The following KAZN variants were observed in gnomAD, a reference collection of about 807,000 sequenced individuals.
The protein encoded by KAZN is kazrin.
A neutral mutation model predicts 87.4 loss-of-function variants in KAZN; 40 were observed. That is an observed-to-expected ratio of 0.46 (90% confidence interval 0.36 to 0.60). The LOEUF is 0.60. Among genes scored for constraint, KAZN ranks in the 20% least tolerant of loss-of-function variants. The pLI, the probability that KAZN is intolerant of heterozygous loss-of-function variation, is 0.00. For synonymous variants in KAZN, 466 were observed against 458.3 expected, an observed-to-expected ratio of 1.02 and a Z score of -0.22; for missense variants, 898 against 1,073.9, an observed-to-expected ratio of 0.84 and a Z score of 2.29.
chr1:15,013,251 AT>A (rs1321157577), intron 2 of KAZN, among the ~76,000 whole-genome samples: 1 of 152,170 alleles, frequency 6.6e-6, no homozygotes, highest in Admixed American at 6.5e-5. Context: ...CCAGACCCTC[AT>A]TTTAGCACTG....
At chr1:14,151,910 GA>G (rs530064606) in intron 1 of KAZN, among the ~76,000 whole-genome samples, 2 of 151,252 alleles carry the variant, frequency 1.3e-5, no homozygotes, top group African/African-American at 4.9e-5. Context: ...TTGTGGAAAG[GA>G]AAAAAAATGG....
At chr1:14,677,545 C>A (rs996810723) in intron 1 of KAZN, among the ~76,000 whole-genome samples, 1 of 152,038 alleles carries the variant, frequency 6.6e-6, no homozygotes, top group Non-Finnish European at 1.5e-5. Context: ...CTCTAAGACA[C>A]CCCAGGGGCC....
At chr1:14,355,819 C>G (rs1003456051) in intron 2 of KAZN, among the ~76,000 whole-genome samples, 1 of 152,150 alleles carries the variant, frequency 6.6e-6, no homozygotes, top group Non-Finnish European at 1.5e-5. Context: ...TTTTCTTTAT[C>G]CAGTCTATCA....
At chr1:14,180,636 CT>C (rs766957052) in intron 2 of KAZN, 18 of 1,502,104 alleles carry the variant, frequency 1.2e-5, no homozygotes, top group South Asian at 6.5e-5. Context: ...AAGGTGGAAT[CT>C]TTTTTTCTTT....
chr1:14,342,930 C>T (rs1236403861), intron 2 of KAZN, among the ~76,000 whole-genome samples: 1 of 152,150 alleles, frequency 6.6e-6, no homozygotes, highest in Non-Finnish European at 1.5e-5. Context: ...CACCTGAGGT[C>T]AGGAGTTTGA....
intron 1 of KAZN, among the ~76,000 whole-genome samples, chr1:14,859,202 C>A (rs1468305250): frequency 6.7e-6 from 1 of 150,270 alleles, no homozygotes; most frequent in Non-Finnish European, 1.5e-5. Flanking sequence ...CAGAGCGAGA[C>A]CCCGTCTCAA....
rs559234306 is a variant in KAZN at position 14,092,529 on chromosome 1, G to A, written c.92-87906G>A. On this transcript the variant is annotated intron_variant, in intron 1 of 16. Coordinates refer to the KAZN transcript ENST00000636203. ...TGTACCACTGCATGTATGTGTGTAG[G>A]GGTATGTATGTACATATATGTACAT... is the stretch of plus-strand genomic sequence containing the variant. Among the ~76,000 whole-genome samples, 319 of 146,812 alleles carry A rather than the reference G, an allele frequency of 2.2e-3. 1 individual carries two copies. The highest frequency in any genetic ancestry group is 7.6e-3 in the African/African-American group (296 of 39,194).
intron 1 of KAZN, among the ~76,000 whole-genome samples, chr1:14,835,990 T>C (rs2100905642): frequency 6.6e-6 from 1 of 152,288 alleles, no homozygotes; most frequent in East Asian, 1.9e-4. Flanking sequence ...GGGTTGGAGA[T>C]AGAAGAATGG....
In KAZN at chr1:14,947,781, G is replaced by A. The variant is rs75259017; in HGVS notation, c.227-12903G>A. On this transcript the variant is annotated intron_variant, in intron 1 of 14. Transcript: ENST00000376030. ...AGAATCTGATGGGCTGAGGCTCAGT[G>A]CCAGGCACATAGTGAACACCCAAAT... Among the ~76,000 whole-genome samples the A allele has an allele frequency of 4.4e-3, 676 of 152,356 alleles. 2 individuals carry two copies. Among genetic ancestry groups the A allele is most frequent in the African/African-American group, 0.015 (634 of 41,586 alleles).
intron 1 of KAZN, among the ~76,000 whole-genome samples, chr1:14,024,930 G>T (rs1192561808): frequency 6.6e-6 from 1 of 152,206 alleles, no homozygotes; most frequent in Non-Finnish European, 1.5e-5. Flanking sequence ...GGAAGGCCAA[G>T]AATCCAAAGA....
chr1:14,197,257 T>A (rs987725850), intron 2 of KAZN, among the ~76,000 whole-genome samples: 1 of 151,826 alleles, frequency 6.6e-6, no homozygotes, highest in African/African-American at 2.4e-5. Context: ...TTGTTGAGAA[T>A]GAGAGAAAGA....
chr1:14,597,481 A>T (rs1245422533), upstream of KAZN, among the ~76,000 whole-genome samples: 2 of 152,180 alleles, frequency 1.3e-5, no homozygotes, highest in Non-Finnish European at 2.9e-5. Context: ...CCTTAAGTAA[A>T]TTGCTTAACC....
intron 1 of KAZN, among the ~76,000 whole-genome samples, chr1:13,950,731 C>T (rs948614660): frequency 6.6e-6 from 1 of 152,138 alleles, no homozygotes; most frequent in Non-Finnish European, 1.5e-5. Context: ...ACGAATACCC[C>T]AACCTCATCA....
intron 1 of KAZN, among the ~76,000 whole-genome samples, chr1:14,158,080 T>C (rs1645634494): frequency 6.6e-6 from 1 of 152,082 alleles, no homozygotes; most frequent in Admixed American, 6.5e-5. Context: ...TATCAGGTAA[T>C]CTTCTTCAGG....
At chr1:14,438,575 G>A (rs192071340) in intron 2 of KAZN, among the ~76,000 whole-genome samples, 178 of 152,314 alleles carry the variant, frequency 1.2e-3, no homozygotes, top group African/African-American at 4.2e-3. Flanking sequence ...GTGGGAAATG[G>A]GAAATGGCAA....
chr1:14,562,139 A>T (rs72862101), intron 2 of KAZN, among the ~76,000 whole-genome samples: 6,967 of 152,204 alleles, frequency 0.046, 519 homozygotes, highest in African/African-American at 0.16. Context: ...CACGACTGCC[A>T]TTCTGTTTGG....
chr1:14,365,256 C>T (rs1212177125), intron 2 of KAZN, among the ~76,000 whole-genome samples: 5 of 151,892 alleles, frequency 3.3e-5, no homozygotes, highest in African/African-American at 1.2e-4. Context: ...ACCATGTTAG[C>T]CAGGATGGTC....
chr1:14,702,060 A>G (rs1365465251), intron 1 of KAZN, among the ~76,000 whole-genome samples: 2 of 152,078 alleles, frequency 1.3e-5, no homozygotes, highest in Non-Finnish European at 2.9e-5. Context: ...CCTTTCTCAT[A>G]TGAGTACATG....
intron 1 of KAZN, among the ~76,000 whole-genome samples, chr1:14,108,783 C>T (rs1289744957): frequency 1.3e-5 from 2 of 152,166 alleles, no homozygotes; most frequent in Non-Finnish European, 2.9e-5. Flanking sequence ...ATGCACGTCC[C>T]ATTTTAGATG....
Sources: gnomAD v4.1 joint callset for allele counts (sites outside exome capture counted in the v4.1 genomes callset) on GRCh38, gnomAD v4.1.1 for gene constraint, MANE v1.5 for transcripts, NCBI Gene and HGNC (gene_info 2026-07-23, HGNC 2026-07-21) for gene names.